The following RASAL2 variants were observed in gnomAD, a reference collection of about 807,000 sequenced individuals.
RASAL2 encodes the protein ras GTPase-activating protein nGAP.
In RASAL2, 58 loss-of-function variants were observed where a neutral mutation model predicts 128.9. The observed-to-expected ratio is 0.45, with a 90% CI of 0.36 to 0.56. RASAL2 has a LOEUF of 0.56. RASAL2 is among the 20% of genes least tolerant of loss of function. The pLI, the probability that RASAL2 is intolerant of heterozygous loss-of-function variation, is 0.00. For synonymous variants in RASAL2, 561 were observed against 580.8 expected (o/e 0.97, Z 0.49); for missense variants, 1,360 against 1,601.6 (o/e 0.85, Z 2.57).
chr1:178,244,271 C>A (rs938444745), intron 1 of RASAL2, among the ~76,000 whole-genome samples: 4 of 151,846 alleles, frequency 2.6e-5, no homozygotes, highest in Non-Finnish European at 5.9e-5. Flanking sequence ...GAGAAGGAGT[C>A]TCGCTCTGTC....
intron 1 of RASAL2, among the ~76,000 whole-genome samples, chr1:178,110,894 C>T (rs1472547550): frequency 1.3e-5 from 2 of 151,748 alleles, no homozygotes; most frequent in Non-Finnish European, 2.9e-5. Flanking sequence ...CTGCACCCGG[C>T]CATACTGTAT....
rs896263692 is a variant in RASAL2, at chr1:178,226,593, G to C, written c.203-56971G>C. ...TATTAAGGAAAAATTTAAGCATTAT[G>C]TGAATTTTGTGTTGACTTATATGCC... is the stretch of plus-strand genomic sequence containing the variant. On this transcript the variant is annotated intron_variant, in intron 1 of 17. Coordinates refer to ENST00000367649, the MANE Select transcript of RASAL2 (RefSeq NM_170692.4). 2.6e-5 allele frequency among the ~76,000 whole-genome samples: 4 copies of C among 152,166 alleles called. No individual in the cohort carries two copies. The South Asian group carries it at 8.3e-4, about 32-fold the overall frequency.
chr1:178,470,210 A>G (rs1648128291), intron 17 of RASAL2, among the ~76,000 whole-genome samples: 1 of 152,328 alleles, frequency 6.6e-6, no homozygotes, highest in East Asian at 1.9e-4. Context: ...GTTTGGGGTG[A>G]AAGCTTCCCA....
chr1:178,335,185 A>G (rs950041706), intron 3 of RASAL2, among the ~76,000 whole-genome samples: 4 of 151,830 alleles, frequency 2.6e-5, no homozygotes, highest in Non-Finnish European at 5.9e-5. Context: ...TGGGGAATTT[A>G]TTTTCTTTTA....
In RASAL2 at chr1:178,255,777, G is replaced by A. The variant is rs1665316523; in HGVS notation, c.203-27787G>A. Among the ~76,000 whole-genome samples the A allele has an allele frequency of 2.0e-5, 3 of 151,826 alleles. No individual in the cohort carries two copies. In the South Asian group the frequency reaches 6.2e-4, roughly 32 times the overall value. On this transcript the variant is annotated intron_variant, in intron 1 of 17. Coordinates refer to ENST00000367649, the MANE Select transcript of RASAL2 (RefSeq NM_170692.4). The stretch of plus-strand genomic sequence containing the variant: ...AGAAAGCAGTAAAAGAAAAATAGAA[G>A]AACAACAACAAAACAAGAGATAAAT...
chr1:178,272,124 A>G (rs1162733570), intron 1 of RASAL2, among the ~76,000 whole-genome samples: 1 of 152,170 alleles, frequency 6.6e-6, no homozygotes, highest in African/African-American at 2.4e-5. Flanking sequence ...ATTGTACAGT[A>G]TTTGACCCCA....
chr1:178,313,102 T>C (rs1468661268), intron 3 of RASAL2, among the ~76,000 whole-genome samples: 3 of 152,204 alleles, frequency 2.0e-5, no homozygotes, highest in East Asian at 3.8e-4. Flanking sequence ...TATGCTACAG[T>C]CTACATAGGA....
At chr1:178,469,414 C>G (rs1395126358) in intron 17 of RASAL2, among the ~76,000 whole-genome samples, 1 of 152,120 alleles carries the variant, frequency 6.6e-6, no homozygotes, top group Non-Finnish European at 1.5e-5. Flanking sequence ...ACCCCACCCC[C>G]TAATTTTATA....
At chr1:178,406,400 T>C (rs1674003002) in intron 4 of RASAL2, among the ~76,000 whole-genome samples, 1 of 152,218 alleles carries the variant, frequency 6.6e-6, no homozygotes, top group South Asian at 2.1e-4. Context: ...ATATTAGTGG[T>C]TTCCAGGGGC....
chr1:178,467,724 G>T (rs1647885465), intron 17 of RASAL2, among the ~76,000 whole-genome samples: 1 of 152,206 alleles, frequency 6.6e-6, no homozygotes, highest in Non-Finnish European at 1.5e-5. Flanking sequence ...ATTTTCTAAG[G>T]GCGTAATTGT....
intron 4 of RASAL2, among the ~76,000 whole-genome samples, chr1:178,390,956 G>A (rs900717573): frequency 9.2e-5 from 14 of 152,026 alleles, no homozygotes; most frequent in African/African-American, 3.4e-4. Flanking sequence ...GAAAGTTGCA[G>A]ACTAAATTCA....
intron 6 of RASAL2, among the ~76,000 whole-genome samples, chr1:178,440,842 A>G (rs1415971369): frequency 6.6e-6 from 1 of 152,130 alleles, no homozygotes; most frequent in Non-Finnish European, 1.5e-5. Context: ...TAGTAATTCA[A>G]TATTAGTAAC....
intron 1 of RASAL2, among the ~76,000 whole-genome samples, chr1:178,186,064 T>G (rs1662280901): frequency 6.6e-6 from 1 of 152,134 alleles, no homozygotes; most frequent in African/African-American, 2.4e-5. Flanking sequence ...CATTAATAAA[T>G]ATAGAGCTAT....
chr1:178,112,480 G>A (rs2102249345), intron 1 of RASAL2, among the ~76,000 whole-genome samples: 1 of 152,000 alleles, frequency 6.6e-6, no homozygotes, highest in East Asian at 1.9e-4. Flanking sequence ...AACCCGGGAG[G>A]TGGAGGTTGC....
At chr1:178,118,327 TTATTTC>T (rs1318360131) in intron 1 of RASAL2, among the ~76,000 whole-genome samples, 4 of 152,100 alleles carry the variant, frequency 2.6e-5, no homozygotes, top group Non-Finnish European at 4.4e-5. Context: ...ATTGTATACT[TTATTTC>T]TATTATTATT....
chr1:178,360,238 C>G (rs1441898916), intron 3 of RASAL2, among the ~76,000 whole-genome samples: 3 of 152,198 alleles, frequency 2.0e-5, no homozygotes, highest in Admixed American at 6.5e-5. Flanking sequence ...CCCTCTTCAA[C>G]TTCTAACCCT....
At chr1:178,261,789 C>T (rs1404707082) in intron 1 of RASAL2, among the ~76,000 whole-genome samples, 4 of 151,680 alleles carry the variant, frequency 2.6e-5, no homozygotes, top group Non-Finnish European at 4.4e-5. Context: ...TGGTGGTGGG[C>T]GCCTGTCATC....
chr1:178,150,310 T>A (rs2101876665), intron 1 of RASAL2, among the ~76,000 whole-genome samples: 1 of 152,248 alleles, frequency 6.6e-6, no homozygotes, highest in African/African-American at 2.4e-5. Context: ...TTCTCCCACC[T>A]TAGCCTCCCA....
chr1:178,349,223 G>GT (rs1297769305), intron 3 of RASAL2, among the ~76,000 whole-genome samples: 2 of 147,412 alleles, frequency 1.4e-5, no homozygotes, highest in African/African-American at 5.1e-5. Flanking sequence ...GATCGAGACC[G>GT]TCCTGGCCAA....
Sources: allele counts gnomAD v4.1 joint callset (sites outside exome capture counted in the v4.1 genomes callset), GRCh38; gene constraint gnomAD v4.1.1; transcripts MANE v1.5; gene names NCBI Gene and HGNC (gene_info 2026-07-23, HGNC 2026-07-21).